The following ANO2 variants were observed in gnomAD, a reference collection of about 807,000 sequenced individuals.
The protein encoded by ANO2 is anoctamin-2.
A neutral mutation model predicts 124.2 loss-of-function variants in ANO2; 101 were observed. That is an observed-to-expected ratio of 0.81 (90% CI 0.69 to 0.96). ANO2 has a LOEUF of 0.96. Among genes scored for constraint, ANO2 ranks in the 40% least tolerant of loss-of-function variants. The probability of loss-of-function intolerance (pLI) is 0.00; values close to 1 mark genes in which losing one functional copy is unlikely to be tolerated. For missense variants in ANO2, 1,293 were observed against 1,274.5 expected, an observed-to-expected ratio of 1.01 and a Z score of -0.22; for synonymous variants, 486 against 482.5, an observed-to-expected ratio of 1.01 and a Z score of -0.09.
At chr12:5,660,516 A>G (rs1947385600) in intron 14 of ANO2, among the ~76,000 whole-genome samples, 1 of 150,872 alleles carries the variant, frequency 6.6e-6, no homozygotes, top group Admixed American at 6.6e-5. Flanking sequence ...TCAGCCTTCA[A>G]TTCTCGATTC....
At chr12:5,892,380 T>C (rs1183932743) in intron 3 of ANO2, among the ~76,000 whole-genome samples, 1 of 152,100 alleles carries the variant, frequency 6.6e-6, no homozygotes, top group Admixed American at 6.5e-5. Context: ...ATATAATAGC[T>C]ACAGACTTTC....
intron 3 of ANO2, among the ~76,000 whole-genome samples, chr12:5,872,120 A>G (rs1034947528): frequency 1.3e-5 from 2 of 152,092 alleles, no homozygotes; most frequent in African/African-American, 4.8e-5. Flanking sequence ...CAGGAGCAAA[A>G]TGTATTTTCC....
intron 10 of ANO2, among the ~76,000 whole-genome samples, chr12:5,755,826 A>C (rs913883225): frequency 6.6e-6 from 1 of 152,210 alleles, no homozygotes; most frequent in Non-Finnish European, 1.5e-5. Context: ...AAGGTGACTC[A>C]GTGTTAACCT....
intron 15 of ANO2, among the ~76,000 whole-genome samples, chr12:5,638,318 C>CTCCG (rs1946142451): frequency 6.8e-6 from 1 of 147,716 alleles, no homozygotes; most frequent in Non-Finnish European, 1.5e-5. Flanking sequence ...TCACTGCAAG[C>CTCCG]TCCGCCTCCT....
intron 3 of ANO2, among the ~76,000 whole-genome samples, chr12:5,915,105 C>T (rs1245030653): frequency 6.6e-6 from 1 of 152,206 alleles, no homozygotes; most frequent in African/African-American, 2.4e-5. Flanking sequence ...CCAACTCTGA[C>T]ACAATGCACA....
At chr12:5,780,852 C>T (rs572173108) in intron 10 of ANO2, among the ~76,000 whole-genome samples, 2 of 152,152 alleles carry the variant, frequency 1.3e-5, no homozygotes, top group Non-Finnish European at 2.9e-5. Flanking sequence ...CTGGAAACAG[C>T]TTTTGGAAGG....
intron 14 of ANO2, among the ~76,000 whole-genome samples, chr12:5,651,561 C>T (rs532954361): frequency 7.9e-4 from 120 of 152,318 alleles, no homozygotes; most frequent in Middle Eastern, 3.4e-3. Flanking sequence ...GCTGAAATTA[C>T]AGGCATAGGA....
chr12:5,826,074 T>C (rs1438140297), intron 7 of ANO2, among the ~76,000 whole-genome samples: 1 of 152,236 alleles, frequency 6.6e-6, no homozygotes, highest in Non-Finnish European at 1.5e-5. Context: ...AATATCTTCA[T>C]TTTATTTCCT....
At chr12:5,705,555 T>C (rs1445999396) in intron 14 of ANO2, among the ~76,000 whole-genome samples, 1 of 152,196 alleles carries the variant, frequency 6.6e-6, no homozygotes, top group Non-Finnish European at 1.5e-5. Context: ...GGGAATGCAA[T>C]ACAAGGTCAC....
intron 12 of ANO2, chr12:5,740,075 G>C: frequency 4.7e-6 from 2 of 429,620 alleles, no homozygotes; most frequent in Non-Finnish European, 9.4e-6. Context: ...CCCTTTGAAG[G>C]ACCAGCACGC....
intron 4 of ANO2, among the ~76,000 whole-genome samples, chr12:5,850,694 A>G (rs1183844938): frequency 6.6e-6 from 1 of 152,022 alleles, no homozygotes; most frequent in African/African-American, 2.4e-5. Context: ...CACTCCCCCT[A>G]TGCTGCCCTG....
At chr12:5,898,648 C>T (rs544495980) in intron 3 of ANO2, among the ~76,000 whole-genome samples, 5 of 152,240 alleles carry the variant, frequency 3.3e-5, no homozygotes, top group African/African-American at 1.2e-4. Flanking sequence ...ACATATTATA[C>T]GATTCCATTT....
chr12:5,731,658 C>A (rs1382014445), intron 14 of ANO2, among the ~76,000 whole-genome samples: 2 of 151,968 alleles, frequency 1.3e-5, no homozygotes, highest in Admixed American at 1.3e-4. Context: ...ACAGGTATCC[C>A]AAAGAGCATC....
intron 10 of ANO2, among the ~76,000 whole-genome samples, chr12:5,776,219 C>T (rs964407320): frequency 9.9e-5 from 15 of 152,216 alleles, no homozygotes; most frequent in Admixed American, 8.5e-4. Flanking sequence ...TGTGCACACC[C>T]TATCCCATGC....
At chr12:5,679,262 G>C (rs542540342) in intron 14 of ANO2, among the ~76,000 whole-genome samples, 35 of 152,212 alleles carry the variant, frequency 2.3e-4, no homozygotes, top group African/African-American at 8.2e-4. Context: ...AAAAGCAATC[G>C]CAACAAAAGC....
chr12:5,780,361 A>G (rs988598485), intron 10 of ANO2, among the ~76,000 whole-genome samples: 3 of 152,180 alleles, frequency 2.0e-5, no homozygotes, highest in Non-Finnish European at 4.4e-5. Flanking sequence ...AACCTAACAC[A>G]TCTTATAAAT....
chr12:5,768,912 A>G (rs1951983264), intron 10 of ANO2, among the ~76,000 whole-genome samples: 1 of 152,292 alleles, frequency 6.6e-6, no homozygotes, highest in African/African-American at 2.4e-5. Flanking sequence ...TGATCCTCCC[A>G]GGAAGGACAA....
intron 4 of ANO2, among the ~76,000 whole-genome samples, chr12:5,849,358 G>A (rs764815382): frequency 3.3e-5 from 5 of 152,212 alleles, no homozygotes; most frequent in South Asian, 2.1e-4. Context: ...GATGAGAAAC[G>A]GAGTGTTCAT....
chr12:5,774,944 A>T lies in ANO2; in HGVS notation c.1056-23974T>A, dbSNP rs181013597. ...TTGTCGCCCTTTCCTCCACCAAGCA[A>T]GGAAAGAAAAAGAACATTTATTGAG... On this transcript the variant is annotated intron_variant, in intron 10 of 24. Coordinates refer to ENST00000682330, the MANE Select transcript of ANO2 (RefSeq NM_001364791.2). Among the ~76,000 whole-genome samples the T allele has an allele frequency of 3.3e-5, 5 of 152,326 alleles. No individual in the cohort carries two copies. In the East Asian group the frequency reaches 9.6e-4, roughly 29 times the overall value.
Sources: allele counts gnomAD v4.1 joint callset (sites outside exome capture counted in the v4.1 genomes callset), GRCh38; gene constraint gnomAD v4.1.1; transcripts MANE v1.5; gene names NCBI Gene and HGNC (gene_info 2026-07-23, HGNC 2026-07-21).